The following CEP83 variants were observed in gnomAD, a reference collection of about 807,000 sequenced individuals.
The protein encoded by CEP83 is centrosomal protein 83, also known as centrosomal protein of 83 kDa.
In CEP83, 70 loss-of-function variants were observed where a neutral mutation model predicts 101.9. The ratio of observed to expected loss-of-function variants is 0.69; its 90% CI spans 0.57 to 0.84. The LOEUF is 0.84. CEP83 is among the 40% of genes least tolerant of loss of function. The probability of loss-of-function intolerance (pLI) is 0.00; values close to 1 mark genes in which losing one functional copy is unlikely to be tolerated. For synonymous variants in CEP83, 264 were observed against 267.9 expected (o/e 0.99, Z 0.14); for missense variants, 715 against 787.2 (o/e 0.91, Z 1.10).
the CEP83 span, among the ~76,000 whole-genome samples, chr12:94,286,006 G>T: frequency 6.6e-6 from 1 of 152,226 alleles, no homozygotes; most frequent in African/African-American, 2.4e-5. Flanking sequence ...CCAGCAGGGA[G>T]AATGAAGAAC....
At chr12:94,386,388 C>T (rs769492783) in intron 6 of CEP83, among the ~76,000 whole-genome samples, 6 of 152,150 alleles carry the variant, frequency 3.9e-5, no homozygotes, top group African/African-American at 1.2e-4. Flanking sequence ...TCCACACATG[C>T]GCTAATCAAT....
intron 1 of CEP83, among the ~76,000 whole-genome samples, chr12:94,445,366 C>G (rs1045719051): frequency 9.9e-5 from 15 of 151,886 alleles, no homozygotes; most frequent in Admixed American, 7.9e-4. Context: ...GAATTAAAAA[C>G]CTAAACTATA....
chr12:94,341,454 TAATG>T (rs2059684147), intron 11 of CEP83, among the ~76,000 whole-genome samples: 1 of 152,152 alleles, frequency 6.6e-6, no homozygotes, highest in African/African-American at 2.4e-5. Flanking sequence ...ATGACCATTT[TAATG>T]AATGATCAAA....
intron 2 of CEP83, among the ~76,000 whole-genome samples, chr12:94,418,536 C>G (rs2064467364): frequency 6.6e-6 from 1 of 152,108 alleles, no homozygotes; most frequent in South Asian, 2.1e-4. Flanking sequence ...AGCTCAGGGA[C>G]TGTCAGAACT....
chr12:94,439,371 G>C (rs2138342443), intron 1 of CEP83, among the ~76,000 whole-genome samples: 1 of 152,120 alleles, frequency 6.6e-6, no homozygotes, highest in Non-Finnish European at 1.5e-5. Context: ...AAATACAAAA[G>C]ATTGTGCTTT....
chr12:94,447,251 TGCCTGTAATCCCAGCACTTTGAGAG>T (rs1199098381), intron 1 of CEP83, among the ~76,000 whole-genome samples: 2 of 152,188 alleles, frequency 1.3e-5, no homozygotes, highest in African/African-American at 4.8e-5. Flanking sequence ...CAGTGGCTCA[TGCCTGTAATCCCAGCACTTTGAGAG>T]GCCAAGGTGG....
chr12:94,394,995 G>A (rs2062793003), intron 6 of CEP83, among the ~76,000 whole-genome samples: 1 of 152,210 alleles, frequency 6.6e-6, no homozygotes, highest in South Asian at 2.1e-4. Context: ...AGGATGTAGA[G>A]AAATAGGAAT....
the CEP83 span, among the ~76,000 whole-genome samples, chr12:94,266,692 C>T: frequency 5.9e-5 from 9 of 152,360 alleles, no homozygotes; most frequent in East Asian, 1.4e-3. Flanking sequence ...CTAAACCTCT[C>T]TATGCCTCAT....
chr12:94,400,838 T>G lies in CEP83; in HGVS notation c.549+12A>C. The G allele has an allele frequency of 2.1e-6, 3 of 1,402,370 alleles. No individual in the cohort carries two copies. Among genetic ancestry groups the G allele is most frequent in the Non-Finnish European group, 2.8e-6 (3 of 1,067,936 alleles). 86.9% of individuals were successfully genotyped at this position (1,402,370 alleles called of 1,614,324 possible). A position where few individuals can be genotyped will look rare whatever the true frequency, so the allele number is the denominator to read the frequency against. On this transcript the variant is annotated intron_variant, in intron 6 of 16. Transcript: ENST00000397809. ...AACAATAACAAAGAAACTCGTATAATCAATCACTTACCTCTGATTCATATT... is the reference window on the plus strand; with the variant it reads ...AACAATAACAAAGAAACTCGTATAAGCAATCACTTACCTCTGATTCATATT...
chr12:94,433,312 G>T (rs1284539296), intron 2 of CEP83, among the ~76,000 whole-genome samples: 1 of 152,146 alleles, frequency 6.6e-6, no homozygotes, highest in African/African-American at 2.4e-5. Context: ...AAAAAGAAAA[G>T]GAGATCAAAG....
intron 4 of CEP83, among the ~76,000 whole-genome samples, chr12:94,407,145 C>T (rs1397111176): frequency 2.6e-5 from 4 of 151,910 alleles, no homozygotes; most frequent in Admixed American, 2.6e-4. Flanking sequence ...TATGGCAGAA[C>T]TTTAAGTGGT....
Position 94,347,488 on chromosome 12 carries a change from A to C in CEP83, c.1344-11824T>G, listed in dbSNP as rs112375929. 3.8e-3 allele frequency among the ~76,000 whole-genome samples: 586 copies of C among 152,354 alleles called. 3 individuals are homozygous for C. Among genetic ancestry groups the C allele is most frequent in the African/African-American group, 0.014 (562 of 41,580 alleles). On this transcript the variant is annotated intron_variant, in intron 11 of 16. Coordinates refer to ENST00000397809, the MANE Select transcript of CEP83 (RefSeq NM_016122.3). ...ACTTCTCAAGTGTTTCCACATTGGA[A>C]AACAGTATTTCTGTATGTTATAAAA...
intron 1 of CEP83, among the ~76,000 whole-genome samples, chr12:94,459,007 A>C (rs2067928158): frequency 6.6e-6 from 1 of 152,220 alleles, no homozygotes; most frequent in South Asian, 2.1e-4. Context: ...CAGATTATGA[A>C]GTATATATCA....
At chr12:94,446,165 T>C (rs1432195619) in intron 1 of CEP83, among the ~76,000 whole-genome samples, 1 of 152,230 alleles carries the variant, frequency 6.6e-6, no homozygotes, top group East Asian at 1.9e-4. Context: ...ACTCACTGGT[T>C]CACCAAAAAT....
the CEP83 span, among the ~76,000 whole-genome samples, chr12:94,267,715 T>C: frequency 2.0e-5 from 3 of 152,188 alleles, no homozygotes; most frequent in Non-Finnish European, 2.9e-5. Context: ...CATGATCCGT[T>C]CTATGCTTGT....
At chr12:94,274,341 GA>G in the CEP83 span, among the ~76,000 whole-genome samples, 3 of 151,904 alleles carry the variant, frequency 2.0e-5, no homozygotes, top group Non-Finnish European at 2.9e-5. Context: ...TATTAAAAAA[GA>G]AAGAAAGAAA....
downstream of CEP83, chr12:94,305,338 AAAATGGCTGCTTG>A: frequency 9.7e-7 from 1 of 1,036,042 alleles, no homozygotes; most frequent in East Asian, 2.5e-5. Context: ...ACTTGGGAGC[AAAATGGCTGCTTG>A]AGCTACTCTG....
At chr12:94,402,491 A>T (rs1019453045) in intron 5 of CEP83, among the ~76,000 whole-genome samples, 3 of 152,188 alleles carry the variant, frequency 2.0e-5, no homozygotes, top group African/African-American at 7.2e-5. Flanking sequence ...AGTATTAAAT[A>T]GGTAGATGGG....
At chr12:94,398,431 T>C (rs1307690527) in intron 6 of CEP83, among the ~76,000 whole-genome samples, 1 of 152,198 alleles carries the variant, frequency 6.6e-6, no homozygotes, top group African/African-American at 2.4e-5. Flanking sequence ...TTCATTTTAA[T>C]ATGGACATTT....
Sources: allele counts gnomAD v4.1 joint callset (sites outside exome capture counted in the v4.1 genomes callset), GRCh38; gene constraint gnomAD v4.1.1; transcripts MANE v1.5; gene names NCBI Gene and HGNC (gene_info 2026-07-23, HGNC 2026-07-21).